RELN: variants seen among roughly 807,000 people sequenced by gnomAD.
RELN encodes the protein reelin.
A neutral mutation model predicts 427.6 loss-of-function variants in RELN; 108 were observed. The observed-to-expected ratio is 0.25, with a 90% CI of 0.22 to 0.30. The LOEUF is 0.30. Among genes scored for constraint, RELN ranks in the 10% least tolerant of loss-of-function variants. The pLI is 1.00. For synonymous variants in RELN, 1,524 were observed against 1,513.4 expected, an observed-to-expected ratio of 1.01 and a Z score of -0.16; for missense variants, 3,715 against 4,302.8, an observed-to-expected ratio of 0.86 and a Z score of 3.82.
intron 2 of RELN, among the ~76,000 whole-genome samples, chr7:103,858,437 ATAT>A (rs1793996368): frequency 6.6e-6 from 1 of 152,168 alleles, no homozygotes; most frequent in African/African-American, 2.4e-5. Context: ...AACAAATATA[ATAT>A]TATAAAATTT....
At chr7:103,896,833 TACG>T (rs1794971851) in intron 2 of RELN, among the ~76,000 whole-genome samples, 1 of 152,142 alleles carries the variant, frequency 6.6e-6, no homozygotes, top group Non-Finnish European at 1.5e-5. Flanking sequence ...AGTAGACTGA[TACG>T]ACTTCAATTA....
At chr7:103,765,638 G>A (rs949303978) in intron 4 of RELN, among the ~76,000 whole-genome samples, 1 of 152,162 alleles carries the variant, frequency 6.6e-6, no homozygotes, top group Non-Finnish European at 1.5e-5. Context: ...ATGTATGTTT[G>A]TAACAGCTTT....
At chr7:103,599,609 G>A (rs1263886465) in intron 24 of RELN, among the ~76,000 whole-genome samples, 2 of 152,114 alleles carry the variant, frequency 1.3e-5, no homozygotes, top group Non-Finnish European at 2.9e-5. Flanking sequence ...AAAAATCAGA[G>A]AGGAATTCTA....
chr7:103,985,875 C>T (rs6952315), intron 1 of RELN, among the ~76,000 whole-genome samples: 44,760 of 151,998 alleles, frequency 0.29, 8,346 homozygotes, highest in Non-Finnish European at 0.41. Flanking sequence ...GTGCTGATTA[C>T]GGGGCATGGC....
Position 103,619,733 on chromosome 7 carries a change from A to G in RELN, c.2703-7930T>C, listed in dbSNP as rs535698649. On this transcript the variant is annotated intron_variant, in intron 20 of 64. Transcript: ENST00000428762. ...GCACAGCATGGGCTGTGGACCCCAG[A>G]GAAGAAGGGAAAGAGGGAGACCAAG... 2.0e-5 allele frequency among the ~76,000 whole-genome samples: 3 copies of G among 152,284 alleles called. 1 individual carries two copies. Among genetic ancestry groups the G allele is most frequent in the African/African-American group, 7.2e-5 (3 of 41,562 alleles).
intron 2 of RELN, among the ~76,000 whole-genome samples, chr7:103,844,934 G>C (rs1793637981): frequency 6.6e-6 from 1 of 152,150 alleles, no homozygotes; most frequent in African/African-American, 2.4e-5. Context: ...TGCTGAGCAT[G>C]AAACCCCAGC....
intron 1 of RELN, among the ~76,000 whole-genome samples, chr7:103,926,609 A>G (rs981509566): frequency 2.7e-5 from 4 of 147,412 alleles, no homozygotes; most frequent in African/African-American, 1.0e-4. Flanking sequence ...AACCGAACGC[A>G]GCTCTAAAGT....
chr7:103,775,555 A>T (rs1215916156), intron 4 of RELN, among the ~76,000 whole-genome samples: 1 of 152,174 alleles, frequency 6.6e-6, no homozygotes, highest in Admixed American at 6.5e-5. Context: ...CAGAGAGAAA[A>T]TTAATAGAAA....
rs771906395 is a variant in RELN at position 103,575,724 on chromosome 7, C to T, written c.4146-19G>A. 1.2e-6 allele frequency: 2 copies of T among 1,613,808 alleles called. No homozygotes were observed. Among genetic ancestry groups the T allele is most frequent in the East Asian group, 2.2e-5 (1 of 44,878 alleles). ...GGTCTTGCTGTTGGGAAAAACAACA[C>T]ACCTGTTTCTTGTACCAACATCTCA... is the stretch of plus-strand genomic sequence containing the variant. On this transcript the variant is annotated intron_variant, in intron 28 of 64. Coordinates refer to ENST00000428762, the MANE Select transcript of RELN (RefSeq NM_005045.4).
intron 6 of RELN, among the ~76,000 whole-genome samples, chr7:103,734,489 A>G (rs1790442151): frequency 6.6e-6 from 1 of 152,210 alleles, no homozygotes; most frequent in Non-Finnish European, 1.5e-5. Flanking sequence ...CATGAACAAT[A>G]TGATTAAAAG....
chr7:103,775,790 C>A (rs1791722935), intron 4 of RELN, among the ~76,000 whole-genome samples: 1 of 152,174 alleles, frequency 6.6e-6, no homozygotes, highest in Non-Finnish European at 1.5e-5. Context: ...GAATGACTTA[C>A]ACGGTAAGCT....
At chr7:103,636,157 G>T in intron 18 of RELN, 78 bp downstream of exon 18, 1 of 975,362 alleles carries the variant, frequency 1.0e-6, no homozygotes, top group Non-Finnish European at 1.6e-6. Flanking sequence ...AAAAATATAA[G>T]AAATAAAAAT....
At chr7:103,928,736 G>C (rs1049981247) in intron 1 of RELN, among the ~76,000 whole-genome samples, 1 of 152,128 alleles carries the variant, frequency 6.6e-6, no homozygotes, top group Non-Finnish European at 1.5e-5. Context: ...GAGACTTCAT[G>C]TATGCCAGAG....
Position 103,926,631 on chromosome 7 carries a change from T to G in RELN, c.227-9446A>C, listed in dbSNP as rs1001048625. On this transcript the variant is annotated intron_variant, in intron 1 of 64. Coordinates refer to ENST00000428762, the MANE Select transcript of RELN (RefSeq NM_005045.4). The stretch of plus-strand genomic sequence containing the variant: ...CGCAGCTCTAAAGTATCATAAGTTT[T>G]TTTTTTTTTTTTTTTTTTTTTTTTT... Among the ~76,000 whole-genome samples the G allele has an allele frequency of 3.8e-3, 79 of 20,800 alleles. 1 individual carries two copies. The highest frequency in any genetic ancestry group is 0.026 in the African/African-American group (75 of 2,844). 13.6% of individuals were successfully genotyped at this position (20,800 alleles called of 152,430 possible).
intron 6 of RELN, among the ~76,000 whole-genome samples, chr7:103,746,904 C>G (rs1790850150): frequency 6.6e-6 from 1 of 152,032 alleles, no homozygotes; most frequent in South Asian, 2.1e-4. Context: ...CCCAGCCATC[C>G]CATTACTGGG....
At chr7:103,955,961 T>C (rs1387014385) in intron 1 of RELN, among the ~76,000 whole-genome samples, 1 of 152,200 alleles carries the variant, frequency 6.6e-6, no homozygotes, top group Non-Finnish European at 1.5e-5. Context: ...GCAGCTTCCA[T>C]TCTTTCTAAC....
intron 3 of RELN, among the ~76,000 whole-genome samples, chr7:103,812,364 C>T (rs541610081): frequency 6.6e-6 from 1 of 152,264 alleles, no homozygotes; most frequent in East Asian, 1.9e-4. Flanking sequence ...CTGTCCTGCC[C>T]CCTCAACTCA....
At chr7:103,952,419 T>G (rs748960917) in intron 1 of RELN, among the ~76,000 whole-genome samples, 19 of 152,214 alleles carry the variant, frequency 1.2e-4, no homozygotes, top group Non-Finnish European at 2.6e-4. Context: ...ATGCTATATT[T>G]TAGGTATTTA....
intron 10 of RELN, 54 bp from the exon 11 acceptor site, chr7:103,682,315 T>C: frequency 6.3e-7 from 1 of 1,584,324 alleles, no homozygotes; most frequent in East Asian, 2.2e-5. Context: ...TGTAGCTGTA[T>C]CTGTCTTACT....
Sources: allele counts gnomAD v4.1 joint callset (sites outside exome capture counted in the v4.1 genomes callset), GRCh38; gene constraint gnomAD v4.1.1; transcripts MANE v1.5; gene names NCBI Gene and HGNC (gene_info 2026-07-23, HGNC 2026-07-21).